Variants in MYT1L observed in about 807,000 individuals in gnomAD.
The protein encoded by MYT1L is myelin transcription factor 1 like, also known as myelin transcription factor 1-like protein.
Under a neutral mutation model 126.7 loss-of-function variants are expected in MYT1L, and 12 were observed. The ratio of observed to expected loss-of-function variants is 0.09; its 90% confidence interval spans 0.06 to 0.15. The LOEUF is 0.15. Ranked by LOEUF, MYT1L falls within the 10% of genes least tolerant of loss-of-function variation. The pLI, the probability that MYT1L is intolerant of heterozygous loss-of-function variation, is 1.00. For missense variants in MYT1L, 979 were observed against 1,585.2 expected (o/e 0.62, Z 6.49); for synonymous variants, 541 against 604.2 (o/e 0.90, Z 1.53).
chr2:2,172,632 G>A (rs911648209), intron 3 of MYT1L, among the ~76,000 whole-genome samples: 2 of 152,136 alleles, frequency 1.3e-5, no homozygotes, highest in Non-Finnish European at 2.9e-5. Context: ...AGGAGTACCT[G>A]CACTCTGTGG....
intron 9 of MYT1L, 129 bp from the exon 10 acceptor site, chr2:1,923,392 T>A (rs1166873726): frequency 1.3e-6 from 1 of 778,456 alleles, no homozygotes; most frequent in South Asian, 2.0e-5. Flanking sequence ...CACAGAACTG[T>A]AAGTCCCATT....
Position 1,892,506 on chromosome 2 carries a change from CT to C in MYT1L, c.2033-220del, listed in dbSNP as rs5828877. 0.088 allele frequency among the ~76,000 whole-genome samples: 11,834 copies of C among 134,022 alleles called. 522 individuals carry two copies. Among genetic ancestry groups the C allele is most frequent in the African/African-American group, 0.22 (7,727 of 34,750 alleles). 87.9% of individuals were successfully genotyped at this position (134,022 alleles called of 152,430 possible). A position where few individuals can be genotyped will look rare whatever the true frequency, so the allele number is the denominator to read the frequency against. ...CTTTTTTCTTCTTTTTTCCTTTTTC[CT>C]TTTTTTTTTTTTTTTTGCCCTGGAG... is the stretch of plus-strand genomic sequence containing the variant. On this transcript the variant is annotated intron_variant, in intron 14 of 24. Transcript: ENST00000647738.
At chr2:1,880,354 T>C (rs1442709563) in intron 18 of MYT1L, among the ~76,000 whole-genome samples, 5 of 152,158 alleles carry the variant, frequency 3.3e-5, no homozygotes, top group African/African-American at 1.2e-4. Flanking sequence ...TTTTTACTTT[T>C]CGAGACAGAC....
At chr2:2,150,277 A>T (rs2085539329) in intron 3 of MYT1L, among the ~76,000 whole-genome samples, 1 of 152,208 alleles carries the variant, frequency 6.6e-6, no homozygotes, top group Non-Finnish European at 1.5e-5. Context: ...CTTCAAGAAG[A>T]TAAAAAAAGC....
At chr2:1,840,577 C>A (rs112556471) in intron 20 of MYT1L, among the ~76,000 whole-genome samples, 183 bp downstream of exon 20, 2 of 152,136 alleles carry the variant, frequency 1.3e-5, no homozygotes, top group African/African-American at 4.8e-5. Context: ...AACTTTTCAG[C>A]CAATCAGCAG....
chr2:1,865,711 T>C (rs1358422640), intron 18 of MYT1L, among the ~76,000 whole-genome samples: 2 of 152,048 alleles, frequency 1.3e-5, no homozygotes, highest in African/African-American at 4.8e-5. Flanking sequence ...TTTCACAGGT[T>C]AGCAAGAAGG....
chr2:2,162,616 G>A (rs948622393), intron 3 of MYT1L, among the ~76,000 whole-genome samples: 1 of 152,180 alleles, frequency 6.6e-6, no homozygotes, highest in East Asian at 1.9e-4. Context: ...GGCCCAAAGC[G>A]TGCTGCACGG....
chr2:2,220,200 T>C (rs11127372), intron 2 of MYT1L, among the ~76,000 whole-genome samples: 111,511 of 152,082 alleles, frequency 0.73, 41,463 homozygotes, highest in East Asian at 0.95. Context: ...CCTGAGAACA[T>C]GTGCCCAAGG....
chr2:2,235,112 G>A (rs545883618), intron 2 of MYT1L, among the ~76,000 whole-genome samples: 2 of 152,320 alleles, frequency 1.3e-5, no homozygotes, highest in East Asian at 1.9e-4. Context: ...GCAACCACAG[G>A]TTCTTCTTAG....
intron 3 of MYT1L, among the ~76,000 whole-genome samples, chr2:2,160,667 C>T (rs555989074): frequency 9.5e-4 from 145 of 152,310 alleles, no homozygotes; most frequent in Non-Finnish European, 1.7e-3. Flanking sequence ...AAGATCAAAG[C>T]TGCGGTGGCT....
intron 3 of MYT1L, among the ~76,000 whole-genome samples, chr2:2,144,166 C>A (rs1034025170): frequency 3.3e-5 from 5 of 152,150 alleles, no homozygotes; most frequent in African/African-American, 1.2e-4. Context: ...TTGGTTGCAC[C>A]TGCACCTGGG....
intron 4 of MYT1L, among the ~76,000 whole-genome samples, chr2:1,999,648 T>TA (rs945426955): frequency 3.9e-5 from 6 of 151,972 alleles, no homozygotes; most frequent in African/African-American, 1.2e-4. Context: ...TCTATTAAAA[T>TA]AAAAAAAATG....
intron 2 of MYT1L, among the ~76,000 whole-genome samples, chr2:2,261,310 T>C (rs17039494): frequency 6.6e-6 from 1 of 152,258 alleles, no homozygotes; most frequent in African/African-American, 2.4e-5. Context: ...TTGATATTGT[T>C]GTTCAGTTGC....
intron 8 of MYT1L, among the ~76,000 whole-genome samples, chr2:1,961,573 C>T (rs762667543): frequency 6.6e-6 from 1 of 152,230 alleles, no homozygotes; most frequent in African/African-American, 2.4e-5. Flanking sequence ...GCTTCGTGCA[C>T]CCACACTGGC....
chr2:1,934,799 T>C (rs2055623377), intron 9 of MYT1L, among the ~76,000 whole-genome samples: 1 of 151,374 alleles, frequency 6.6e-6, no homozygotes, highest in Non-Finnish European at 1.5e-5. Flanking sequence ...TCTGGATCAG[T>C]TGGATGACCG....
chr2:1,907,117 A>G, intron 13 of MYT1L, among the ~76,000 whole-genome samples: 1 of 146,682 alleles, frequency 6.8e-6, no homozygotes, highest in East Asian at 2.0e-4. Flanking sequence ...GTCTCTAAAA[A>G]TTTTTTTTTT....
At chr2:2,226,542 ATCTG>A (rs1313889142) in intron 2 of MYT1L, among the ~76,000 whole-genome samples, 1 of 151,808 alleles carries the variant, frequency 6.6e-6, no homozygotes, top group East Asian at 1.9e-4. Context: ...TTCACCTGCC[ATCTG>A]TCTGTTCTCC....
intron 8 of MYT1L, among the ~76,000 whole-genome samples, chr2:1,969,440 C>G (rs995060644): frequency 5.3e-5 from 8 of 152,222 alleles, no homozygotes; most frequent in African/African-American, 1.9e-4. Context: ...TTCTCAAACT[C>G]AGGCAGCATC....
chr2:1,809,226 G>T, intron 21 of MYT1L, 59 bp from the exon 22 acceptor site: 1 of 1,519,310 alleles, frequency 6.6e-7, no homozygotes, highest in Non-Finnish European at 9.1e-7. Flanking sequence ...GCCCTGCAGG[G>T]AAGTGGTGGT....
Sources: allele counts gnomAD v4.1 joint callset (sites outside exome capture counted in the v4.1 genomes callset), GRCh38; gene constraint gnomAD v4.1.1; transcripts MANE v1.5; gene names NCBI Gene and HGNC (gene_info 2026-07-23, HGNC 2026-07-21).